Variants in NOX3 observed in about 807,000 individuals in gnomAD.
NOX3 encodes NADPH oxidase 3, also known as NADPH oxidase catalytic subunit-like 3.
NOX3 carries 74 observed loss-of-function variants against 76.7 expected under a neutral mutation model. The ratio of observed to expected loss-of-function variants is 0.96; its 90% confidence interval spans 0.80 to 1.17. The LOEUF is 1.17. Ranked by LOEUF, NOX3 falls within the 50% of genes most tolerant of loss-of-function variation. The probability of loss-of-function intolerance (pLI) is 0.00; values close to 1 mark genes in which losing one functional copy is unlikely to be tolerated. For missense variants in NOX3, 695 were observed against 703.3 expected (o/e 0.99, Z 0.13); for synonymous variants, 263 against 261.1 (o/e 1.01, Z -0.07).
chr6:155,418,400 G>T (rs1008474019), intron 10 of NOX3, among the ~76,000 whole-genome samples: 1 of 152,050 alleles, frequency 6.6e-6, no homozygotes, highest in African/African-American at 2.4e-5. Flanking sequence ...CATCCCACAG[G>T]GGCACAGCGT....
chr6:155,428,221 G>T (rs564733841), intron 9 of NOX3, among the ~76,000 whole-genome samples: 22 of 152,342 alleles, frequency 1.4e-4, no homozygotes, highest in Non-Finnish European at 2.2e-4. Context: ...GCTGTGGGTT[G>T]AGTGTGTCCC....
intron 9 of NOX3, among the ~76,000 whole-genome samples, chr6:155,426,997 G>GTGTGTGTGTGTGTGTA: frequency 8.2e-6 from 1 of 122,342 alleles, no homozygotes; most frequent in East Asian, 2.4e-4. Flanking sequence ...GTGTGTGTGT[G>GTGTGTGTGTGTGTGTA]TGTGTGTGTG....
At chr6:155,432,755 A>G (rs1260692791) in intron 7 of NOX3, among the ~76,000 whole-genome samples, 1 of 152,072 alleles carries the variant, frequency 6.6e-6, no homozygotes, top group Non-Finnish European at 1.5e-5. Flanking sequence ...CTGCCTCAGT[A>G]GGGCCCAGCA....
intron 10 of NOX3, among the ~76,000 whole-genome samples, chr6:155,421,296 C>T (rs956818630): frequency 2.0e-5 from 3 of 152,088 alleles, no homozygotes; most frequent in Admixed American, 6.5e-5. Context: ...GGAAAACAGG[C>T]CTTGTGTTAC....
rs778130384 is a variant in NOX3, at chr6:155,440,055, G to A, written c.569C>T (p.Ser190Leu). The change falls in exon 6 of 14, where the codon TCG becomes TTG. Residue 190 changes from serine to leucine, a missense_variant. By Grantham distance (145) the Ser-to-Leu change is moderately radical. Coordinates refer to ENST00000159060, the MANE Select transcript of NOX3 (RefSeq NM_015718.3). ...ISLALVLIMT[S>L]STEFIRQASY... ...GGCCTGTCTGATGAACTCAGTTGAC[G>A]AGGTCATGATCAAGACTAAAGCCAG... 12 of 1,613,946 alleles carry A rather than the reference G, an allele frequency of 7.4e-6. No individual in the cohort carries two copies. The highest frequency in any genetic ancestry group is 3.3e-5 in the South Asian group (3 of 91,064).
At chr6:155,430,683 C>A (rs1207352341) in intron 8 of NOX3, among the ~76,000 whole-genome samples, 160 bp downstream of exon 8, 1 of 151,976 alleles carries the variant, frequency 6.6e-6, no homozygotes, top group Non-Finnish European at 1.5e-5. Flanking sequence ...AAATTAGTCA[C>A]ACTAAAAGAT....
intron 10 of NOX3, among the ~76,000 whole-genome samples, chr6:155,413,764 G>A (rs1292011151): frequency 6.6e-6 from 1 of 152,050 alleles, no homozygotes; most frequent in Non-Finnish European, 1.5e-5. Context: ...TCATCTCAGA[G>A]TTGGCATTGG....
intron 8 of NOX3, among the ~76,000 whole-genome samples, 195 bp downstream of exon 8, chr6:155,430,648 G>A (rs1031153894): frequency 6.6e-6 from 1 of 151,888 alleles, no homozygotes; most frequent in Non-Finnish European, 1.5e-5. Flanking sequence ...TGTGCCGTCT[G>A]GAGCCCTGAT....
At chr6:155,412,972 A>T (rs1027628133) in intron 10 of NOX3, among the ~76,000 whole-genome samples, 12 of 152,180 alleles carry the variant, frequency 7.9e-5, no homozygotes, top group African/African-American at 2.9e-4. Flanking sequence ...GGCGGGTTAG[A>T]AGTGTTGCAA....
At chr6:155,396,191 T>C (rs1376366818) in intron 13 of NOX3, among the ~76,000 whole-genome samples, 2 of 152,200 alleles carry the variant, frequency 1.3e-5, no homozygotes, top group African/African-American at 4.8e-5. Flanking sequence ...AGGAAAGGGA[T>C]GATTTGATTA....
chr6:155,430,685 C>G (rs1340079234), intron 8 of NOX3, among the ~76,000 whole-genome samples, 158 bp downstream of exon 8: 1 of 151,934 alleles, frequency 6.6e-6, no homozygotes, highest in Non-Finnish European at 1.5e-5. Context: ...ATTAGTCACA[C>G]TAAAAGATGC....
chr6:155,440,131 T>C lies in NOX3; in HGVS notation c.493A>G (p.Thr165Ala), dbSNP rs757544191. Residue 165 changes from threonine (T) to alanine (A), a missense_variant, in exon 6 of 14, where the codon ACC becomes GCC. Physicochemically the swap from Thr to Ala is moderately conservative, Grantham distance 58. Transcript: ENST00000159060. ...GCTATTGTCCTTAGCAATTCAGTGG[T>C]TGTGTTCTAAAAAAAACAACAACAA... is the stretch of plus-strand genomic sequence containing the variant. ...NPVRTFPTNT[T>A]TELLRTIAGV... 1 of 1,555,804 alleles carries C rather than the reference T, an allele frequency of 6.4e-7. No individual in the cohort carries two copies. The highest frequency in any genetic ancestry group is 8.7e-7 in the Non-Finnish European group (1 of 1,154,274).
chr6:155,453,605 G>A, intron 3 of NOX3, 117 bp from the exon 4 acceptor site: 1 of 787,572 alleles, frequency 1.3e-6, no homozygotes, highest in Non-Finnish European at 2.2e-6. Context: ...GTGGGGCTAT[G>A]TGACACAAAA....
chr6:155,403,942 TAAAC>T (rs780145451), intron 12 of NOX3, among the ~76,000 whole-genome samples: 17 of 151,506 alleles, frequency 1.1e-4, no homozygotes, highest in Non-Finnish European at 2.1e-4. Context: ...AAATAAATAA[TAAAC>T]AAACAAACAC....
chr6:155,444,413 C>T lies in NOX3; in HGVS notation c.341-995G>A, dbSNP rs796170898. On this transcript the variant is annotated intron_variant, in intron 4 of 13. Coordinates refer to ENST00000159060, the MANE Select transcript of NOX3 (RefSeq NM_015718.3). ...GTCACGGTATCCCAGTGTTTGTGTGCGAGTCATCCTTATTTTACTTAAAAA... is the reference window on the plus strand; with the variant it reads ...GTCACGGTATCCCAGTGTTTGTGTGTGAGTCATCCTTATTTTACTTAAAAA... Among the ~76,000 whole-genome samples the T allele has an allele frequency of 3.3e-5, 5 of 152,188 alleles. No homozygotes were observed. In the South Asian group the frequency reaches 6.2e-4, roughly 19 times the overall value.
chr6:155,422,868 G>A lies in NOX3; in HGVS notation c.1146-12C>T. 2 of 1,613,808 alleles carry A rather than the reference G, an allele frequency of 1.2e-6. No homozygotes were observed. Among genetic ancestry groups the A allele is most frequent in the South Asian group, 2.2e-5 (2 of 91,042 alleles). On this transcript the variant is annotated splice_polypyrimidine_tract_variant and intron_variant, in intron 9 of 13. Transcript: ENST00000159060. ...CGTCCACTGCCAGCCTGGAATCATA[G>A]AGGAATGCAGCCTATTTGACCTTCA...
rs777057455 is a variant in NOX3 at position 155,443,402 on chromosome 6, C to A, written c.357G>T (p.Ala119=). ...GGTAGCGTTCCAGGTTGAAGAAATG[C>A]GCCACGATGTGGATGGCTAGGACAA... ...IAVNATIHIV[A]HFFNLERYHW... Residue 119 remains alanine (A), a synonymous_variant, in exon 5 of 14, where the codon GCG becomes GCT. Transcript: ENST00000159060. 6.8e-6 allele frequency: 11 copies of A among 1,613,724 alleles called. No homozygotes were observed. The highest frequency in any genetic ancestry group is 9.3e-6 in the Non-Finnish European group (11 of 1,179,786).
At chr6:155,442,080 C>T (rs1016724953) in intron 5 of NOX3, among the ~76,000 whole-genome samples, 6 of 152,070 alleles carry the variant, frequency 3.9e-5, no homozygotes, top group Admixed American at 1.3e-4. Context: ...CTGGCTAACA[C>T]AGTGAAACCC....
intron 9 of NOX3, among the ~76,000 whole-genome samples, chr6:155,424,625 A>G (rs1776734067): frequency 6.6e-6 from 1 of 152,226 alleles, no homozygotes; most frequent in African/African-American, 2.4e-5. Context: ...CTAATAATTC[A>G]AATGAACTCT....
Sources: allele counts gnomAD v4.1 joint callset (sites outside exome capture counted in the v4.1 genomes callset), GRCh38; gene constraint gnomAD v4.1.1; transcripts MANE v1.5; gene names NCBI Gene and HGNC (gene_info 2026-07-23, HGNC 2026-07-21).